CRADD: variants seen among roughly 807,000 people sequenced by gnomAD.
The protein encoded by CRADD is death domain-containing protein CRADD.
Under a neutral mutation model 15.5 loss-of-function variants are expected in CRADD, and 9 were observed. That is an observed-to-expected ratio of 0.58 (90% confidence interval 0.35 to 1.01). CRADD has a LOEUF of 1.01. Ranked by LOEUF, CRADD falls within the 50% of genes least tolerant of loss-of-function variation. The probability of loss-of-function intolerance (pLI) is 0.02; values close to 1 mark genes in which losing one functional copy is unlikely to be tolerated. For missense variants in CRADD, 227 were observed against 250.3 expected (o/e 0.91, Z 0.63); for synonymous variants, 118 against 107.6 (o/e 1.10, Z -0.60).
chr12:93,797,765 A>G (rs1957435661), intron 2 of CRADD, among the ~76,000 whole-genome samples: 1 of 152,230 alleles, frequency 6.6e-6, no homozygotes, highest in African/African-American at 2.4e-5. Flanking sequence ...ATAACAATGC[A>G]TAATTATATA....
In CRADD at chr12:93,857,565, C is replaced by T. The variant is rs1958285459; in HGVS notation, c.299-36485C>T. Among the ~76,000 whole-genome samples, 4 of 152,174 alleles carry T rather than the reference C, an allele frequency of 2.6e-5. No homozygotes were observed. The South Asian group carries it at 8.3e-4, about 31-fold the overall frequency. On this transcript the variant is annotated intron_variant, in intron 2 of 2. Transcript: ENST00000548483. ...ATATAAATAGTAGGTAGTGGTTTAT[C>T]TTTGTCCATTTAGTGTTGCTACATG... is the stretch of plus-strand genomic sequence containing the variant.
intron 2 of CRADD, among the ~76,000 whole-genome samples, chr12:93,793,052 G>A (rs923774150): frequency 6.6e-6 from 1 of 152,052 alleles, no homozygotes; most frequent in Non-Finnish European, 1.5e-5. Flanking sequence ...TCAGAGTTTA[G>A]CCAGATAACC....
intron 2 of CRADD, among the ~76,000 whole-genome samples, chr12:93,760,675 G>T (rs1320476022): frequency 2.0e-5 from 3 of 151,978 alleles, no homozygotes; most frequent in Non-Finnish European, 2.9e-5. Context: ...TCATTGGTTT[G>T]TTTGCCATTC....
chr12:93,761,252 A>T (rs1695227866), intron 2 of CRADD, among the ~76,000 whole-genome samples: 1 of 152,020 alleles, frequency 6.6e-6, no homozygotes, highest in African/African-American at 2.4e-5. Context: ...AGAATGATAG[A>T]CTCAGCTTTT....
In CRADD at chr12:93,762,351, G is replaced by C. The variant is rs137986256; in HGVS notation, c.298+83279G>C. Among the ~76,000 whole-genome samples, 410 of 152,340 alleles carry C rather than the reference G, an allele frequency of 2.7e-3. 2 individuals carry two copies. Among genetic ancestry groups the C allele is most frequent in the African/African-American group, 8.8e-3 (366 of 41,574 alleles). On this transcript the variant is annotated intron_variant, in intron 2 of 2. Coordinates refer to ENST00000332896, the MANE Select transcript of CRADD (RefSeq NM_003805.5). ...CTTCCTTGTCTTTAAGGGGTTTGTAGTCCATTGGAGAGATATGTCTGGCTT... is the reference window on the plus strand; with the variant it reads ...CTTCCTTGTCTTTAAGGGGTTTGTACTCCATTGGAGAGATATGTCTGGCTT...
intron 2 of CRADD, among the ~76,000 whole-genome samples, chr12:93,726,323 C>G (rs78536599): frequency 6.6e-6 from 1 of 151,910 alleles, no homozygotes; most frequent in African/African-American, 2.4e-5. Flanking sequence ...AGGCTGGCCT[C>G]GAACTCCTGA....
chr12:93,741,255 G>T (rs1005951246), intron 2 of CRADD, among the ~76,000 whole-genome samples: 2 of 152,154 alleles, frequency 1.3e-5, no homozygotes, highest in African/African-American at 4.8e-5. Flanking sequence ...CTTAGGCAAG[G>T]ATATTTAATT....
chr12:93,848,934 C>T (rs1381127579), intron 2 of CRADD: 1 of 152,268 alleles, frequency 6.6e-6, no homozygotes, highest in East Asian at 1.9e-4. Context: ...TCCTGTTCCT[C>T]TTCTGGGCTC....
At chr12:93,880,589 A>G (rs1424186613) in intron 2 of CRADD, among the ~76,000 whole-genome samples, 2 of 152,124 alleles carry the variant, frequency 1.3e-5, no homozygotes, top group African/African-American at 4.8e-5. Context: ...TATGGTTTGG[A>G]AGTGCCACTT....
intron 2 of CRADD, among the ~76,000 whole-genome samples, chr12:93,808,372 C>T (rs940037405): frequency 6.6e-6 from 1 of 152,112 alleles, no homozygotes; most frequent in African/African-American, 2.4e-5. Flanking sequence ...GGGGAACTCC[C>T]ATTTATAAAA....
intron 2 of CRADD, among the ~76,000 whole-genome samples, chr12:93,691,112 G>A (rs1341998409): frequency 2.6e-5 from 4 of 151,946 alleles, no homozygotes; most frequent in Admixed American, 6.6e-5. Flanking sequence ...TATGTGCTAC[G>A]GGCAAATGTG....
chr12:93,796,288 T>G (rs923211492), intron 2 of CRADD, among the ~76,000 whole-genome samples: 2 of 152,126 alleles, frequency 1.3e-5, no homozygotes, highest in African/African-American at 4.8e-5. Context: ...TTTGTCAGGA[T>G]CATTCTTTAT....
chr12:93,814,437 G>GAATC lies in CRADD; in HGVS notation c.299-35532_299-35529dup, dbSNP rs200414863. ...AGGTTCAAGTGGGATTACCCAGTGG[G>GAATC]AATCCAGCCCGATTGTAATTTAACT... On this transcript the variant is annotated intron_variant, in intron 2 of 2. Coordinates refer to ENST00000332896, the MANE Select transcript of CRADD (RefSeq NM_003805.5). Among the ~76,000 whole-genome samples the GAATC allele has an allele frequency of 7.7e-4, 117 of 152,278 alleles. No homozygotes were observed. In the East Asian group the frequency reaches 8.5e-3, roughly 11 times the overall value.
rs546599193 is a variant in CRADD at position 93,808,686 on chromosome 12, T to A, written c.299-41284T>A. Among the ~76,000 whole-genome samples the A allele has an allele frequency of 1.3e-4, 20 of 152,206 alleles. No individual in the cohort carries two copies. The South Asian group carries it at 4.1e-3, about 32-fold the overall frequency. On this transcript the variant is annotated intron_variant, in intron 2 of 2. Coordinates refer to ENST00000332896, the MANE Select transcript of CRADD (RefSeq NM_003805.5). Reference sequence around the variant, plus strand: ...TCAGTCCAGCTCTTTGTGGCTTCAGTTGATACATTTCAGTCCCCAATCACC... The same window carrying A: ...TCAGTCCAGCTCTTTGTGGCTTCAGATGATACATTTCAGTCCCCAATCACC...
chr12:93,861,733 A>C (rs1050735094), intron 2 of CRADD, among the ~76,000 whole-genome samples: 1 of 151,950 alleles, frequency 6.6e-6, no homozygotes, highest in African/African-American at 2.4e-5. Flanking sequence ...CTCCCCACCC[A>C]CTCAGCTCCA....
intron 2 of CRADD, among the ~76,000 whole-genome samples, chr12:93,681,869 G>C (rs1202365942): frequency 6.6e-6 from 1 of 151,764 alleles, no homozygotes; most frequent in African/African-American, 2.4e-5. Flanking sequence ...CTAGAGGTGT[G>C]TGTGTGTGTA....
intron 2 of CRADD, among the ~76,000 whole-genome samples, chr12:93,724,457 G>T (rs998473438): frequency 2.4e-4 from 37 of 151,978 alleles, no homozygotes; most frequent in Non-Finnish European, 1.3e-4. Context: ...AATTTCAGAG[G>T]CATCAGTTTA....
chr12:93,772,834 C>G (rs1464550464), intron 2 of CRADD, among the ~76,000 whole-genome samples: 1 of 152,166 alleles, frequency 6.6e-6, no homozygotes, highest in Non-Finnish European at 1.5e-5. Context: ...TGATCGTGCC[C>G]TGCACTGCTT....
At chr12:93,701,295 G>GACACACACACACACAC (rs55986038) in intron 2 of CRADD, among the ~76,000 whole-genome samples, 165 of 143,456 alleles carry the variant, frequency 1.2e-3, no homozygotes, top group African/African-American at 3.9e-3. Flanking sequence ...CTCTCTCTGT[G>GACACACACACACACAC]ACACACACAC....
Sources: gnomAD v4.1 joint callset for allele counts (sites outside exome capture counted in the v4.1 genomes callset) on GRCh38, gnomAD v4.1.1 for gene constraint, MANE v1.5 for transcripts, NCBI Gene and HGNC (gene_info 2026-07-23, HGNC 2026-07-21) for gene names.